The following MIA2 variants were observed in gnomAD, a reference collection of about 807,000 sequenced individuals.
MIA2 encodes the protein melanoma inhibitory activity protein 2.
Under a neutral mutation model 167.8 loss-of-function variants are expected in MIA2, and 127 were observed. The ratio of observed to expected loss-of-function variants is 0.76; its 90% CI spans 0.66 to 0.88. The LOEUF (loss-of-function observed/expected upper bound fraction) is 0.88, where lower values mean the gene tolerates loss of function less well. Ranked by LOEUF, MIA2 falls within the 40% of genes least tolerant of loss-of-function variation. The probability of loss-of-function intolerance (pLI) is 0.00; values close to 1 mark genes in which losing one functional copy is unlikely to be tolerated. For synonymous variants in MIA2, 552 were observed against 541.9 expected (o/e 1.02, Z -0.26); for missense variants, 1,690 against 1,624.7 (o/e 1.04, Z -0.69).
At chr14:39,238,589 G>A (rs1175772215) in intron 2 of MIA2, among the ~76,000 whole-genome samples, 1 of 151,856 alleles carries the variant, frequency 6.6e-6, no homozygotes, top group Non-Finnish European at 1.5e-5. Context: ...GAGGCCAGGA[G>A]TTTGAGACCA....
At chr14:39,357,415 C>G (rs1407895785) in intron 23 of MIA2, among the ~76,000 whole-genome samples, 1 of 152,136 alleles carries the variant, frequency 6.6e-6, no homozygotes, top group Non-Finnish European at 1.5e-5. Flanking sequence ...GTATATCTTC[C>G]TCCATCCCTT....
At chr14:39,286,788 G>A (rs2059870097) in intron 9 of MIA2, among the ~76,000 whole-genome samples, 1 of 150,156 alleles carries the variant, frequency 6.7e-6, no homozygotes, top group East Asian at 2.0e-4. Flanking sequence ...CTGCCTCCCG[G>A]GTTCAAGTGA....
intron 1 of MIA2, among the ~76,000 whole-genome samples, chr14:39,235,903 T>C (rs943906874): frequency 6.6e-6 from 1 of 152,208 alleles, no homozygotes; most frequent in Admixed American, 6.5e-5. Flanking sequence ...AAATTTATAA[T>C]GTTATTTTAA....
At chr14:39,288,896 A>AC (rs2060330366) in intron 9 of MIA2, among the ~76,000 whole-genome samples, 1 of 152,026 alleles carries the variant, frequency 6.6e-6, no homozygotes, top group South Asian at 2.1e-4. Flanking sequence ...TTCATCAGAG[A>AC]TATTGACCTG....
intron 24 of MIA2, among the ~76,000 whole-genome samples, chr14:39,323,493 A>T (rs2066881795): frequency 6.9e-6 from 1 of 145,984 alleles, no homozygotes; most frequent in South Asian, 2.1e-4. Flanking sequence ...TAAGAAATGT[A>T]TTTTGTATCA....
At chr14:39,235,596 A>T (rs1459694214) in intron 1 of MIA2, among the ~76,000 whole-genome samples, 4 of 151,884 alleles carry the variant, frequency 2.6e-5, no homozygotes, top group Non-Finnish European at 1.5e-5. Flanking sequence ...TGGGCAACAT[A>T]GTGAGACCTC....
chr14:39,357,134 C>T (rs1259007077), intron 23 of MIA2, among the ~76,000 whole-genome samples: 1 of 151,818 alleles, frequency 6.6e-6, no homozygotes, highest in Non-Finnish European at 1.5e-5. Flanking sequence ...GTTGATCTGT[C>T]TAATGTTGAC....
intron 17 of MIA2, among the ~76,000 whole-genome samples, chr14:39,307,211 A>G (rs988946055): frequency 3.9e-5 from 6 of 151,946 alleles, no homozygotes; most frequent in Non-Finnish European, 8.8e-5. Flanking sequence ...GGCATTATTC[A>G]TCACCTGGAA....
chr14:39,288,857 A>T (rs1488871553), intron 9 of MIA2, among the ~76,000 whole-genome samples: 1 of 152,032 alleles, frequency 6.6e-6, no homozygotes, highest in Non-Finnish European at 1.5e-5. Context: ...CAATTTGCTG[A>T]TATTTTATTT....
At chr14:39,314,056 C>T (rs527988957) in intron 19 of MIA2, among the ~76,000 whole-genome samples, 10 of 152,224 alleles carry the variant, frequency 6.6e-5, no homozygotes, top group Admixed American at 1.3e-4. Flanking sequence ...CATTTTACTT[C>T]ACAGTGGTTG....
intron 6 of MIA2, among the ~76,000 whole-genome samples, chr14:39,257,911 C>T (rs2054895300): frequency 6.6e-6 from 1 of 152,086 alleles, no homozygotes; most frequent in African/African-American, 2.4e-5. Flanking sequence ...GAATATTGGC[C>T]CCCACTCTCT....
intron 17 of MIA2, among the ~76,000 whole-genome samples, chr14:39,307,907 G>A (rs1396123385): frequency 6.6e-6 from 1 of 152,070 alleles, no homozygotes; most frequent in Non-Finnish European, 1.5e-5. Context: ...TACAAGTAAA[G>A]AGTGGAATAG....
intron 24 of MIA2, among the ~76,000 whole-genome samples, chr14:39,321,849 C>A (rs917746308): frequency 1.3e-5 from 2 of 151,274 alleles, no homozygotes; most frequent in African/African-American, 4.9e-5. Flanking sequence ...CAACCTCTGC[C>A]TCCCAGGTAG....
chr14:39,255,070 T>C (rs534651320), intron 6 of MIA2, among the ~76,000 whole-genome samples: 15 of 152,366 alleles, frequency 9.8e-5, no homozygotes, highest in African/African-American at 3.4e-4. Flanking sequence ...ATACATCATT[T>C]TGCTTTCAGA....
chr14:39,367,782 G>GAAGC (rs1422536301), intron 23 of MIA2, among the ~76,000 whole-genome samples: 1 of 151,984 alleles, frequency 6.6e-6, no homozygotes, highest in Non-Finnish European at 1.5e-5. Context: ...CTGCTGTCTT[G>GAAGC]AAGCCCCTTC....
At chr14:39,353,710 C>A (rs770639866), downstream of MIA2, among the ~76,000 whole-genome samples, 15 of 152,102 alleles carry the variant, frequency 9.9e-5, no homozygotes, top group African/African-American at 1.2e-4. Flanking sequence ...CCTATCCCTC[C>A]CCTCTCCCCT....
At chr14:39,267,460 A>T (rs202175054) in intron 6 of MIA2, 1 of 1,612,482 alleles carries the variant, frequency 6.2e-7, no homozygotes, top group Non-Finnish European at 8.5e-7. Flanking sequence ...CTTTGGCGCT[A>T]TGGAGGAGCC....
intron 2 of MIA2, among the ~76,000 whole-genome samples, chr14:39,239,323 A>G (rs1397112474): frequency 6.6e-6 from 1 of 152,076 alleles, no homozygotes; most frequent in Non-Finnish European, 1.5e-5. Context: ...AGGCAGGAGG[A>G]ACACTTGAGA....
intron 2 of MIA2, 59 bp from the exon 3 acceptor site, chr14:39,240,502 A>G: frequency 1.5e-6 from 2 of 1,350,570 alleles, no homozygotes; most frequent in South Asian, 2.4e-5. Flanking sequence ...AATTAGGTTC[A>G]ATAATTATTA....
Sources: gnomAD v4.1 joint callset for allele counts (sites outside exome capture counted in the v4.1 genomes callset) on GRCh38, gnomAD v4.1.1 for gene constraint, MANE v1.5 for transcripts, NCBI Gene and HGNC (gene_info 2026-07-23, HGNC 2026-07-21) for gene names.